Variants in LRRTM4 observed in about 807,000 individuals in gnomAD.
LRRTM4 encodes the protein leucine rich repeat transmembrane neuronal 4.
A neutral mutation model predicts 47.6 loss-of-function variants in LRRTM4; 25 were observed. The ratio of observed to expected loss-of-function variants is 0.53; its 90% CI spans 0.38 to 0.73. The LOEUF (loss-of-function observed/expected upper bound fraction) is 0.73. LRRTM4 is among the 30% of genes least tolerant of loss of function. LRRTM4 has a pLI of 0.00. For synonymous variants in LRRTM4, 311 were observed against 269.5 expected (o/e 1.15, Z -1.51); for missense variants, 638 against 713.4 (o/e 0.89, Z 1.20).
At chr2:76,827,776 G>T (rs539805163) in intron 3 of LRRTM4, among the ~76,000 whole-genome samples, 1 of 151,720 alleles carries the variant, frequency 6.6e-6, no homozygotes, top group Non-Finnish European at 1.5e-5. Flanking sequence ...GATACTACGT[G>T]CTTATGGTTG....
intron 3 of LRRTM4, among the ~76,000 whole-genome samples, chr2:77,240,907 A>T (rs1309953698): frequency 6.6e-6 from 1 of 151,998 alleles, no homozygotes; most frequent in Non-Finnish European, 1.5e-5. Flanking sequence ...AGTTTATAGA[A>T]TACCTACTTT....
At position 76,912,361 on chromosome 2, in the gene LRRTM4, A is replaced by T. The variant is rs1310976062; in HGVS notation, c.1552-163445T>A. 2.0e-5 allele frequency among the ~76,000 whole-genome samples: 3 copies of T among 152,204 alleles called. No individual in the cohort carries two copies. In the East Asian group the frequency reaches 5.8e-4, roughly 29 times the overall value. ...AAATGATATAATATTCCATTTTAGG[A>T]TATGTCTCACTTCAGTACTATTTTC... is the stretch of plus-strand genomic sequence containing the variant. On this transcript the variant is annotated intron_variant, in intron 3 of 3. Transcript: ENST00000409884.
At chr2:77,255,641 G>C (rs1406394815) in intron 3 of LRRTM4, among the ~76,000 whole-genome samples, 1 of 151,886 alleles carries the variant, frequency 6.6e-6, no homozygotes, top group Non-Finnish European at 1.5e-5. Flanking sequence ...ACAAATATTT[G>C]GAAATTAAAT....
At chr2:76,807,783 G>C (rs1670575079) in intron 3 of LRRTM4, among the ~76,000 whole-genome samples, 1 of 151,462 alleles carries the variant, frequency 6.6e-6, no homozygotes, top group Non-Finnish European at 1.5e-5. Flanking sequence ...GTAGAGACAG[G>C]ATTTCACCAT....
At chr2:77,334,653 GC>G (rs1190087387) in intron 3 of LRRTM4, among the ~76,000 whole-genome samples, 1 of 152,028 alleles carries the variant, frequency 6.6e-6, no homozygotes, top group Non-Finnish European at 1.5e-5. Context: ...TTGGTAAATT[GC>G]CCAGTCTTAG....
intron 3 of LRRTM4, among the ~76,000 whole-genome samples, chr2:77,119,984 C>T (rs899788294): frequency 6.6e-6 from 1 of 151,760 alleles, no homozygotes; most frequent in Non-Finnish European, 1.5e-5. Context: ...ACATAAATAC[C>T]TATGCTTTGC....
At chr2:76,774,121 A>G (rs184231654) in intron 3 of LRRTM4, among the ~76,000 whole-genome samples, 1 of 152,190 alleles carries the variant, frequency 6.6e-6, no homozygotes, top group Admixed American at 6.5e-5. Context: ...TATATTTTGT[A>G]TATTATATGC....
chr2:76,968,340 G>GTATATATATATATATA (rs61103340), intron 3 of LRRTM4, among the ~76,000 whole-genome samples: 9 of 76,644 alleles, frequency 1.2e-4, no homozygotes, highest in Non-Finnish European at 1.8e-4. Flanking sequence ...GTGTATGTGT[G>GTATATATATATATATA]TATATATATA....
chr2:77,342,424 C>T (rs568906901), intron 3 of LRRTM4, among the ~76,000 whole-genome samples: 1 of 151,856 alleles, frequency 6.6e-6, no homozygotes, highest in African/African-American at 2.4e-5. Flanking sequence ...AATTATCTGC[C>T]CCAAACTATC....
At chr2:76,983,024 TAAAG>T (rs1456970407) in intron 3 of LRRTM4, among the ~76,000 whole-genome samples, 1 of 151,698 alleles carries the variant, frequency 6.6e-6, no homozygotes, top group Non-Finnish European at 1.5e-5. Context: ...TCAAATTAAA[TAAAG>T]ACACATATTA....
intron 3 of LRRTM4, among the ~76,000 whole-genome samples, chr2:76,854,935 A>G (rs571139311): frequency 3.3e-5 from 5 of 152,242 alleles, no homozygotes; most frequent in African/African-American, 1.2e-4. Flanking sequence ...AAAAAGAAAG[A>G]AACAGTAGAG....
At chr2:77,476,958 TAA>T (rs1387360673) in intron 3 of LRRTM4, among the ~76,000 whole-genome samples, 4 of 131,748 alleles carry the variant, frequency 3.0e-5, no homozygotes, top group Non-Finnish European at 6.4e-5. Flanking sequence ...AATAAATTTG[TAA>T]GAGATGTGTG....
chr2:77,188,022 T>C (rs1248881014), intron 3 of LRRTM4, among the ~76,000 whole-genome samples: 1 of 152,166 alleles, frequency 6.6e-6, no homozygotes, highest in South Asian at 2.1e-4. Flanking sequence ...TTATACTACA[T>C]ACCAATTTTA....
chr2:77,031,952 C>G (rs1447360871), intron 3 of LRRTM4, among the ~76,000 whole-genome samples: 2 of 152,100 alleles, frequency 1.3e-5, no homozygotes, highest in East Asian at 3.9e-4. Flanking sequence ...ATTGTCAACT[C>G]CTCTTTCTTC....
chr2:77,350,106 A>G (rs533634357), intron 3 of LRRTM4, among the ~76,000 whole-genome samples: 3 of 151,018 alleles, frequency 2.0e-5, no homozygotes, highest in Non-Finnish European at 4.4e-5. Flanking sequence ...GTGGATCATG[A>G]GGTCAGGAGA....
At chr2:77,341,032 A>C (rs772641298) in intron 3 of LRRTM4, among the ~76,000 whole-genome samples, 2 of 151,958 alleles carry the variant, frequency 1.3e-5, no homozygotes, top group Non-Finnish European at 2.9e-5. Context: ...CTCCATGGAC[A>C]CAGTGGCTAT....
chr2:76,974,197 C>CAT lies in LRRTM4; in HGVS notation c.1552-225283_1552-225282dup, dbSNP rs58279690. On this transcript the variant is annotated intron_variant, in intron 3 of 3. Coordinates refer to ENST00000409884, the MANE Select transcript of LRRTM4 (RefSeq NM_001134745.3). ...ACATATATATACATACATATATATACATATATATATATACACATATATATA... is the reference window on the plus strand; with the variant it reads ...ACATATATATACATACATATATATACATATATATATATATACACATATATATA... 9.7e-4 allele frequency among the ~76,000 whole-genome samples: 115 copies of CAT among 118,132 alleles called. 1 individual carries two copies. Among genetic ancestry groups the CAT allele is most frequent in the Middle Eastern group, 4.3e-3 (1 of 230 alleles). 77.5% of individuals were successfully genotyped at this position (118,132 alleles called of 152,430 possible).
At chr2:76,772,782 T>TGA (rs1403041476) in intron 3 of LRRTM4, 8 of 151,378 alleles carry the variant, frequency 5.3e-5, no homozygotes. Flanking sequence ...TATTACGGTC[T>TGA]GTTGTTATAG....
intron 3 of LRRTM4, among the ~76,000 whole-genome samples, chr2:76,813,816 C>T (rs959805843): frequency 6.6e-6 from 1 of 152,074 alleles, no homozygotes; most frequent in Non-Finnish European, 1.5e-5. Context: ...ATAGAGTTCC[C>T]GTATTGCACA....
Sources: gnomAD v4.1 joint callset for allele counts (sites outside exome capture counted in the v4.1 genomes callset) on GRCh38, gnomAD v4.1.1 for gene constraint, MANE v1.5 for transcripts, NCBI Gene and HGNC (gene_info 2026-07-23, HGNC 2026-07-21) for gene names.